ODF2: variants seen among roughly 807,000 people sequenced by gnomAD.
The protein encoded by ODF2 is outer dense fiber protein 2.
ODF2 carries 47 observed loss-of-function variants against 110.2 expected under a neutral mutation model. The observed-to-expected ratio is 0.43, with a 90% CI of 0.34 to 0.54. The LOEUF (loss-of-function observed/expected upper bound fraction) is 0.54, where lower values mean the gene tolerates loss of function less well. Ranked by LOEUF, ODF2 falls within the 20% of genes least tolerant of loss-of-function variation. ODF2 has a pLI of 0.03. For synonymous variants in ODF2, 352 were observed against 397.7 expected (o/e 0.89, Z 1.37); for missense variants, 812 against 1,054.5 (o/e 0.77, Z 3.19).
At chr9:128,462,406 C>T (rs1051954723) in intron 4 of ODF2, among the ~76,000 whole-genome samples, 1 of 152,148 alleles carries the variant, frequency 6.6e-6, no homozygotes, top group African/African-American at 2.4e-5. Context: ...ACCTCAGCCT[C>T]CCAAAGTGCT....
intron 4 of ODF2, among the ~76,000 whole-genome samples, chr9:128,468,243 C>T (rs370166592): frequency 6.6e-6 from 1 of 152,118 alleles, no homozygotes; most frequent in South Asian, 2.1e-4. Context: ...TATTCATATT[C>T]ATTTAAAAGA....
intron 13 of ODF2, among the ~76,000 whole-genome samples, chr9:128,486,047 A>G (rs545201962): frequency 6.6e-6 from 1 of 152,110 alleles, no homozygotes; most frequent in Non-Finnish European, 1.5e-5. Flanking sequence ...TATTGGAAAA[A>G]CATATATTGA....
chr9:128,491,367 G>C (rs1457508686), intron 14 of ODF2, among the ~76,000 whole-genome samples: 1 of 150,010 alleles, frequency 6.7e-6, no homozygotes, highest in African/African-American at 2.4e-5. Flanking sequence ...AATTTTAAAA[G>C]TGTGTTACAG....
rs367751278 is a variant in ODF2 at position 128,471,551 on chromosome 9, C to T, written c.581+83C>T. ...AGCCCTGGGCAATAATGGAAAGCAACGTAGGAGGTGGGCACAGGCACTGTG... is the reference window on the plus strand; with the variant it reads ...AGCCCTGGGCAATAATGGAAAGCAATGTAGGAGGTGGGCACAGGCACTGTG... On this transcript the variant is annotated intron_variant, in intron 6 of 20. Transcript: ENST00000604420. 2,285 of 1,411,084 alleles carry T rather than the reference C, an allele frequency of 1.6e-3. 5 individuals are homozygous for T. Among genetic ancestry groups the T allele is most frequent in the Non-Finnish European group, 2.0e-3 (2,073 of 1,028,766 alleles). 87.4% of individuals were successfully genotyped at this position (1,411,084 alleles called of 1,614,324 possible). A position where few individuals can be genotyped will look rare whatever the true frequency, so the allele number is the denominator to read the frequency against.
intron 8 of ODF2, among the ~76,000 whole-genome samples, chr9:128,477,417 CACA>C (rs1471244000): frequency 6.6e-6 from 1 of 150,648 alleles, no homozygotes; most frequent in Non-Finnish European, 1.5e-5. Context: ...GGTGTGGTGG[CACA>C]CACCTATAGT....
At chr9:128,481,748 C>A in intron 9 of ODF2, 97 bp downstream of exon 9, 2 of 944,414 alleles carry the variant, frequency 2.1e-6, no homozygotes, top group South Asian at 1.5e-5. Flanking sequence ...GGCAGGAGGG[C>A]TGGAGCATTT....
rs560121539 is a variant in ODF2, at chr9:128,494,695, C to T, written c.1911+27C>T. ...TAAGGGACTGGCAGAAAGGGTCCCA[C>T]GAACTGACCCGAGCAGGGGCCCGCA... is the stretch of plus-strand genomic sequence containing the variant. On this transcript the variant is annotated intron_variant, in intron 17 of 20. Transcript: ENST00000604420. The surrounding 1 kb of genome is among the most constrained non-coding windows in gnomAD (Gnocchi z 4.6). The T allele has an allele frequency of 1.4e-5, 22 of 1,614,204 alleles. No homozygotes were observed. The Admixed American group carries it at 2.0e-4, about 15-fold the overall frequency.
intron 14 of ODF2, among the ~76,000 whole-genome samples, chr9:128,491,511 T>A (rs1012206896): frequency 6.6e-6 from 1 of 151,656 alleles, no homozygotes; most frequent in African/African-American, 2.4e-5. Flanking sequence ...TATAAAAAAT[T>A]AGCCGGAGTG....
rs1588949584 is a variant in ODF2 at position 128,488,134 on chromosome 9, A to G, written c.1536+109A>G. ...CATCTTGACTAAGAGGGAGTCAGAA[A>G]AGCCTGGATTTGACCAGGCATGGTG... On this transcript the variant is annotated intron_variant, in intron 14 of 20. Coordinates refer to ENST00000604420, the Ensembl canonical transcript of ODF2. 32 of 1,335,652 alleles carry G rather than the reference A, an allele frequency of 2.4e-5. No individual in the cohort carries two copies. The East Asian group carries it at 5.9e-4, about 24-fold the overall frequency. 82.7% of individuals were successfully genotyped at this position (1,335,652 alleles called of 1,614,324 possible).
intron 18 of ODF2, chr9:128,497,481 A>C (rs866851808): frequency 1.7e-5 from 2 of 116,710 alleles, no homozygotes; most frequent in Non-Finnish European, 3.5e-5. Flanking sequence ...ATATATATAT[A>C]TATATGTATA....
chr9:128,469,167 C>T lies in ODF2; in HGVS notation c.250-16C>T. The stretch of plus-strand genomic sequence containing the variant: ...CTGCCTTCTGAGTTCATGTGTTTCT[C>T]CCTCCTCTACATCAGAATCCACCTC... On this transcript the variant is annotated splice_polypyrimidine_tract_variant and intron_variant, in intron 4 of 20. Transcript: ENST00000604420. 1 of 1,611,612 alleles carries T rather than the reference C, an allele frequency of 6.2e-7. No homozygotes were observed. Among genetic ancestry groups the T allele is most frequent in the Non-Finnish European group, 8.5e-7 (1 of 1,178,352 alleles).
At chr9:128,472,153 G>T (rs557522336) in intron 6 of ODF2, among the ~76,000 whole-genome samples, 48 of 152,138 alleles carry the variant, frequency 3.2e-4, no homozygotes, top group Middle Eastern at 3.4e-3. Context: ...CGCGGCGGGC[G>T]CCTATAATCC....
chr9:128,464,222 C>T (rs1250280397), intron 4 of ODF2, among the ~76,000 whole-genome samples: 1 of 142,966 alleles, frequency 7.0e-6, no homozygotes, highest in East Asian at 2.1e-4. Context: ...ATGGTGCAAT[C>T]TCGGCTCACT....
intron 3 of ODF2, chr9:128,460,209 A>G: frequency 7.6e-7 from 1 of 1,311,380 alleles, no homozygotes; most frequent in East Asian, 5.1e-5. Flanking sequence ...GCTTCACTAA[A>G]TCCAAGGAGG....
intron 20 of ODF2, 134 bp from the exon 21 acceptor site, chr9:128,499,933 C>A (rs1846272354): frequency 1.3e-6 from 1 of 790,628 alleles, no homozygotes; most frequent in Non-Finnish European, 2.0e-6. Flanking sequence ...AGAAAGAAAC[C>A]CCATACCCAT....
intron 4 of ODF2, among the ~76,000 whole-genome samples, chr9:128,461,945 A>T (rs1020169320): frequency 1.3e-5 from 2 of 152,216 alleles, no homozygotes; most frequent in African/African-American, 4.8e-5. Flanking sequence ...TCTGACCAGT[A>T]CAATAAATTA....
At chr9:128,484,192 C>T in intron 11 of ODF2, 138 bp downstream of exon 11, 1 of 663,734 alleles carries the variant, frequency 1.5e-6, no homozygotes, top group Non-Finnish European at 2.7e-6. Context: ...ATACTCAGGC[C>T]TCAGAGACAT....
At chr9:128,478,435 T>C (rs1841776902) in intron 8 of ODF2, among the ~76,000 whole-genome samples, 1 of 151,922 alleles carries the variant, frequency 6.6e-6, no homozygotes, top group Admixed American at 6.6e-5. Context: ...CCATCTCTAC[T>C]AAAATACAAA....
At chr9:128,499,701 C>T (rs1251042795) in intron 20 of ODF2, among the ~76,000 whole-genome samples, 1 of 152,138 alleles carries the variant, frequency 6.6e-6, no homozygotes, top group Non-Finnish European at 1.5e-5. Flanking sequence ...CTTCAAACTC[C>T]TGGGGTCAAG....
Sources: allele counts gnomAD v4.1 joint callset (sites outside exome capture counted in the v4.1 genomes callset), GRCh38; gene constraint gnomAD v4.1.1; non-coding constraint Gnocchi (gnomAD v3.1); transcripts MANE v1.5; gene names NCBI Gene and HGNC (gene_info 2026-07-23, HGNC 2026-07-21).